Variants in STAG1 observed in about 807,000 individuals in gnomAD.
The protein encoded by STAG1 is STAG1 cohesin complex component.
STAG1 carries 26 observed loss-of-function variants against 170.9 expected under a neutral mutation model. The observed-to-expected ratio is 0.15, with a 90% CI of 0.11 to 0.21. The LOEUF (loss-of-function observed/expected upper bound fraction) is 0.21, where lower values mean the gene tolerates loss of function less well. Among genes scored for constraint, STAG1 ranks in the 10% least tolerant of loss-of-function variants. The pLI, the probability that STAG1 is intolerant of heterozygous loss-of-function variation, is 1.00. For synonymous variants in STAG1, 514 were observed against 497.7 expected (o/e 1.03, Z -0.44); for missense variants, 964 against 1,509.5 (o/e 0.64, Z 5.99).
At chr3:136,675,195 C>T (rs1942094671) in intron 1 of STAG1, among the ~76,000 whole-genome samples, 1 of 152,166 alleles carries the variant, frequency 6.6e-6, no homozygotes. Context: ...TATCTTGTCC[C>T]CAGTCAACTT....
chr3:136,593,671 ACTG>A (rs1324137446), intron 4 of STAG1, among the ~76,000 whole-genome samples: 2 of 152,162 alleles, frequency 1.3e-5, no homozygotes, highest in Non-Finnish European at 2.9e-5. Flanking sequence ...TGTTTAAACA[ACTG>A]CTATTTTCAG....
intron 1 of STAG1, among the ~76,000 whole-genome samples, chr3:136,714,908 A>G (rs1323732482): frequency 5.1e-5 from 5 of 97,970 alleles, no homozygotes; most frequent in African/African-American, 2.3e-4. Context: ...GCCCCATCTC[A>G]AAAAAAAAAA....
chr3:136,338,180 A>G lies in STAG1; in HGVS notation c.*74T>C. Reference sequence around the variant, plus strand: ...GATCACATCAAAAGTGTTTTTCCCCATACAAGCTATCACAGTATATAGGCC... The same window carrying G: ...GATCACATCAAAAGTGTTTTTCCCCGTACAAGCTATCACAGTATATAGGCC... On this transcript the variant is annotated 3_prime_UTR_variant, in exon 34 of 34. Transcript: ENST00000383202. 9.9e-7 allele frequency: 1 copy of G among 1,007,106 alleles called. No individual in the cohort carries two copies. The highest frequency in any genetic ancestry group is 1.5e-6 in the Non-Finnish European group (1 of 652,396). The allele number at this position is 1,007,106 out of a possible 1,614,324, so 62.4% of individuals were successfully genotyped here.
At chr3:136,653,730 C>T (rs562278702) in intron 1 of STAG1, among the ~76,000 whole-genome samples, 1 of 152,212 alleles carries the variant, frequency 6.6e-6, no homozygotes, top group African/African-American at 2.4e-5. Context: ...TGAGAAAACA[C>T]TGAAAAATAC....
chr3:136,639,806 C>A (rs1398390331), intron 1 of STAG1, among the ~76,000 whole-genome samples: 1 of 152,120 alleles, frequency 6.6e-6, no homozygotes, highest in Non-Finnish European at 1.5e-5. Context: ...CAAAAATACA[C>A]ATGGTGTTTT....
At chr3:136,368,170 G>A (rs619605) in intron 24 of STAG1, among the ~76,000 whole-genome samples, 1 of 151,888 alleles carries the variant, frequency 6.6e-6, no homozygotes. Flanking sequence ...TAAACATACT[G>A]TTTCACAGAC....
At chr3:136,605,138 C>T (rs1938871802) in intron 3 of STAG1, among the ~76,000 whole-genome samples, 1 of 152,144 alleles carries the variant, frequency 6.6e-6, no homozygotes, top group Non-Finnish European at 1.5e-5. Context: ...CTGAAATGCT[C>T]AAGTATTTCT....
At chr3:136,355,018 T>G (rs1219866966) in intron 28 of STAG1, among the ~76,000 whole-genome samples, 1 of 151,964 alleles carries the variant, frequency 6.6e-6, no homozygotes, top group Non-Finnish European at 1.5e-5. Context: ...AATGACACTT[T>G]AGAATAAGAC....
chr3:136,403,140 A>G (rs1326627406), intron 21 of STAG1, among the ~76,000 whole-genome samples: 2 of 148,540 alleles, frequency 1.3e-5, no homozygotes, highest in Non-Finnish European at 3.0e-5. Context: ...AGGCAGGAGA[A>G]TGACTTGAAC....
intron 4 of STAG1, among the ~76,000 whole-genome samples, chr3:136,570,565 C>T (rs1416199841): frequency 6.6e-6 from 1 of 152,162 alleles, no homozygotes; most frequent in Non-Finnish European, 1.5e-5. Context: ...TCTGTTAACA[C>T]ACGTTACACA....
intron 14 of STAG1, among the ~76,000 whole-genome samples, chr3:136,443,948 T>C (rs916845334): frequency 6.6e-6 from 1 of 152,196 alleles, no homozygotes; most frequent in Non-Finnish European, 1.5e-5. Flanking sequence ...TTTCTGTTGG[T>C]CATTATTCTC....
chr3:136,406,221 C>T (rs992960818), intron 21 of STAG1, among the ~76,000 whole-genome samples: 4 of 152,176 alleles, frequency 2.6e-5, no homozygotes, highest in African/African-American at 9.7e-5. Flanking sequence ...AAGGAACCAA[C>T]TTTGACTCAC....
At chr3:136,540,856 A>G (rs552319452) in intron 6 of STAG1, among the ~76,000 whole-genome samples, 4 of 144,030 alleles carry the variant, frequency 2.8e-5, no homozygotes, top group East Asian at 4.1e-4. Flanking sequence ...AAAAAAACCT[A>G]TATATTTATT....
At chr3:136,572,411 T>G (rs1329424900) in intron 4 of STAG1, among the ~76,000 whole-genome samples, 2 of 151,256 alleles carry the variant, frequency 1.3e-5, no homozygotes, top group African/African-American at 4.9e-5. Context: ...CTGGGCAATG[T>G]AGCAAAACCC....
chr3:136,464,387 T>C (rs1323642815), intron 13 of STAG1, among the ~76,000 whole-genome samples: 1 of 151,450 alleles, frequency 6.6e-6, no homozygotes, highest in Non-Finnish European at 1.5e-5. Flanking sequence ...TGCACCATTG[T>C]ACTGTAGTCT....
chr3:136,413,536 G>A (rs773996286), intron 21 of STAG1, among the ~76,000 whole-genome samples: 4 of 151,790 alleles, frequency 2.6e-5, no homozygotes, highest in African/African-American at 7.3e-5. Flanking sequence ...TTGGCTCACC[G>A]CAACCTCTGC....
chr3:136,703,584 A>G (rs1943140530), intron 1 of STAG1, among the ~76,000 whole-genome samples: 1 of 152,234 alleles, frequency 6.6e-6, no homozygotes, highest in Admixed American at 6.5e-5. Context: ...CAAGGATCTG[A>G]CAGGTCACTA....
At chr3:136,536,077 G>T (rs762253279) in intron 6 of STAG1, among the ~76,000 whole-genome samples, 1 of 152,080 alleles carries the variant, frequency 6.6e-6, no homozygotes, top group Non-Finnish European at 1.5e-5. Flanking sequence ...GACTAATCCA[G>T]ATAGTATTTC....
chr3:136,719,698 G>A (rs569632375), intron 1 of STAG1, among the ~76,000 whole-genome samples: 173 of 149,080 alleles, frequency 1.2e-3, no homozygotes, highest in South Asian at 4.5e-3. Flanking sequence ...TGGATGGATG[G>A]ATGGATGGAT....
Sources: allele counts gnomAD v4.1 joint callset (sites outside exome capture counted in the v4.1 genomes callset), GRCh38; gene constraint gnomAD v4.1.1; transcripts MANE v1.5; gene names NCBI Gene and HGNC (gene_info 2026-07-23, HGNC 2026-07-21).